Variants in ACAP2 observed in about 807,000 individuals in gnomAD.
ACAP2 encodes the protein arf-GAP with coiled-coil, ANK repeat and PH domain-containing protein 2.
ACAP2 carries 39 observed loss-of-function variants against 115.8 expected under a neutral mutation model. The ratio of observed to expected loss-of-function variants is 0.34; its 90% CI spans 0.26 to 0.44. The LOEUF is 0.44. Ranked by LOEUF, ACAP2 falls within the 20% of genes least tolerant of loss-of-function variation. The probability of loss-of-function intolerance (pLI) is 1.00; values close to 1 mark genes in which losing one functional copy is unlikely to be tolerated. For missense variants in ACAP2, 662 were observed against 927.6 expected, an observed-to-expected ratio of 0.71 and a Z score of 3.72; for synonymous variants, 289 against 315.8, an observed-to-expected ratio of 0.92 and a Z score of 0.90.
rs559672720 is a variant in ACAP2 at position 195,344,930 on chromosome 3, A to C, written c.344+329T>G. ...CACAGTTTCAACTACAATAACTAAT[A>C]GTATTTCAACCACTTTTGGGGTTTG... is the stretch of plus-strand genomic sequence containing the variant. On this transcript the variant is annotated intron_variant, in intron 5 of 22. Coordinates refer to ENST00000326793, the MANE Select transcript of ACAP2 (RefSeq NM_012287.6). Among the ~76,000 whole-genome samples the C allele has an allele frequency of 3.9e-5, 6 of 152,380 alleles. No homozygotes were observed. The East Asian group carries it at 5.8e-4, about 15-fold the overall frequency.
At chr3:195,349,779 C>A in intron 4 of ACAP2, 1 of 314,382 alleles carries the variant, frequency 3.2e-6, no homozygotes. Flanking sequence ...AGAAGCATGG[C>A]CCTCAGGCAC....
At chr3:195,323,131 C>G (rs572286062) in intron 9 of ACAP2, among the ~76,000 whole-genome samples, 61 of 152,202 alleles carry the variant, frequency 4.0e-4, no homozygotes, top group African/African-American at 1.4e-3. Context: ...CAAGGCTGGT[C>G]AAAGGGGAAT....
chr3:195,361,061 G>A lies in ACAP2; in HGVS notation c.286-15744C>T, dbSNP rs138139640. Among the ~76,000 whole-genome samples the A allele has an allele frequency of 6.1e-3, 909 of 150,144 alleles. 7 individuals carry two copies. Among genetic ancestry groups the A allele is most frequent in the African/African-American group, 0.021 (866 of 40,984 alleles). ...ACAATGGAATAAAACTGGAAATAAT[G>A]AGGAATTTTGGAAACTATATAAACA... is the stretch of plus-strand genomic sequence containing the variant. On this transcript the variant is annotated intron_variant, in intron 4 of 22. Transcript: ENST00000326793.
chr3:195,399,619 C>CT (rs144734777), intron 1 of ACAP2, among the ~76,000 whole-genome samples: 42,362 of 150,990 alleles, frequency 0.28, 6,637 homozygotes, highest in East Asian at 0.71. Context: ...AAAAAAGTAG[C>CT]GAAAAAAAAA....
chr3:195,393,715 T>C (rs1450991115), intron 1 of ACAP2, among the ~76,000 whole-genome samples: 1 of 152,168 alleles, frequency 6.6e-6, no homozygotes, highest in Non-Finnish European at 1.5e-5. Flanking sequence ...AACAAATGTA[T>C]GTGTATGAGG....
chr3:195,395,341 G>A (rs1002994342), intron 1 of ACAP2, among the ~76,000 whole-genome samples: 19 of 152,080 alleles, frequency 1.2e-4, no homozygotes, highest in African/African-American at 4.6e-4. Flanking sequence ...TAAGTAATAA[G>A]GGAGATAGAT....
intron 9 of ACAP2, among the ~76,000 whole-genome samples, chr3:195,324,998 T>G (rs900900237): frequency 5.3e-5 from 8 of 152,106 alleles, no homozygotes; most frequent in Admixed American, 3.3e-4. Context: ...AAATAAGATA[T>G]GCAAAAGACC....
chr3:195,398,011 A>C (rs1333046646), intron 1 of ACAP2, among the ~76,000 whole-genome samples: 1 of 152,230 alleles, frequency 6.6e-6, no homozygotes, highest in Non-Finnish European at 1.5e-5. Context: ...GGCGTGCAAA[A>C]GGCTTACTGG....
At chr3:195,355,770 T>A (rs1458441133) in intron 4 of ACAP2, among the ~76,000 whole-genome samples, 1 of 152,218 alleles carries the variant, frequency 6.6e-6, no homozygotes, top group African/African-American at 2.4e-5. Flanking sequence ...GTAGGCTGCA[T>A]AACCATAGAG....
chr3:195,411,141 T>C (rs1052533372), intron 1 of ACAP2: 2 of 193,722 alleles, frequency 1.0e-5, no homozygotes, highest in Non-Finnish European at 2.2e-5. Flanking sequence ...CAAGTGTCAA[T>C]GAGGACGTGG....
Position 195,438,003 on chromosome 3 carries a change from C to T in ACAP2, c.53+4792G>A, listed in dbSNP as rs116802745. Among the ~76,000 whole-genome samples the T allele has an allele frequency of 5.9e-3, 860 of 146,858 alleles. 9 individuals carry two copies. The highest frequency in any genetic ancestry group is 0.021 in the African/African-American group (819 of 39,468). The stretch of plus-strand genomic sequence containing the variant: ...AAGTGCTGGGATTACAAATGTAAGC[C>T]ATTGCGCCCCACCTGCAAGAATTTT... On this transcript the variant is annotated intron_variant, in intron 1 of 22. Transcript: ENST00000326793.
At chr3:195,290,613 C>T (rs1324748328) in intron 20 of ACAP2, among the ~76,000 whole-genome samples, 2 of 151,818 alleles carry the variant, frequency 1.3e-5, no homozygotes, top group African/African-American at 4.8e-5. Context: ...GAGTTCAAGA[C>T]CAGCCTGGCC....
intron 7 of ACAP2, among the ~76,000 whole-genome samples, chr3:195,333,921 T>A (rs1212972844): frequency 6.6e-6 from 1 of 151,920 alleles, no homozygotes; most frequent in Non-Finnish European, 1.5e-5. Context: ...ATAAAATGAG[T>A]CAACCGAATT....
At chr3:195,301,179 G>C (rs184346860) in intron 15 of ACAP2, among the ~76,000 whole-genome samples, 3,705 of 151,612 alleles carry the variant, frequency 0.024, 141 homozygotes, top group African/African-American at 0.084. Flanking sequence ...TCTGCCTCCC[G>C]GGTTCACGCC....
intron 4 of ACAP2, among the ~76,000 whole-genome samples, chr3:195,368,275 A>G (rs895789261): frequency 6.6e-6 from 1 of 151,946 alleles, no homozygotes; most frequent in Non-Finnish European, 1.5e-5. Flanking sequence ...TCAGCCTCCC[A>G]AGTAGCTGGG....
At chr3:195,360,151 A>C (rs1459812383) in intron 4 of ACAP2, among the ~76,000 whole-genome samples, 1 of 152,208 alleles carries the variant, frequency 6.6e-6, no homozygotes, top group East Asian at 1.9e-4. Context: ...TCACCTATAA[A>C]GACAAAAACT....
chr3:195,336,997 T>G, intron 6 of ACAP2, 21 bp from the exon 7 acceptor site: 1 of 1,605,256 alleles, frequency 6.2e-7, no homozygotes, highest in Non-Finnish European at 8.5e-7. Context: ...ACACACGTGG[T>G]TAATCACCCA....
At chr3:195,318,601 A>C (rs1050003551) in intron 10 of ACAP2, among the ~76,000 whole-genome samples, 2 of 152,356 alleles carry the variant, frequency 1.3e-5, no homozygotes, top group South Asian at 4.1e-4. Context: ...CTTAAACTTC[A>C]GAGAGAGGAT....
intron 1 of ACAP2, among the ~76,000 whole-genome samples, chr3:195,428,431 A>G (rs1409149868): frequency 6.6e-6 from 1 of 151,754 alleles, no homozygotes; most frequent in Non-Finnish European, 1.5e-5. Flanking sequence ...CCACAAATAC[A>G]ACAGCGGTCC....
Sources: gnomAD v4.1 joint callset for allele counts (sites outside exome capture counted in the v4.1 genomes callset) on GRCh38, gnomAD v4.1.1 for gene constraint, MANE v1.5 for transcripts, NCBI Gene and HGNC (gene_info 2026-07-23, HGNC 2026-07-21) for gene names.